The following NTAQ1 variants were observed in gnomAD, a reference collection of about 807,000 sequenced individuals.
NTAQ1 encodes protein N-terminal glutamine amidohydrolase.
In NTAQ1, 21 loss-of-function variants were observed where a neutral mutation model predicts 28.2. The observed-to-expected ratio is 0.74, with a 90% CI of 0.53 to 1.07. The LOEUF (loss-of-function observed/expected upper bound fraction) is 1.07. Ranked by LOEUF, NTAQ1 falls within the 50% of genes least tolerant of loss-of-function variation. NTAQ1 has a pLI of 0.00. For synonymous variants in NTAQ1, 105 were observed against 90.0 expected (o/e 1.17, Z -0.94); for missense variants, 264 against 256.6 (o/e 1.03, Z -0.20).
At chr8:123,417,641 T>C (rs1475273444) in intron 1 of NTAQ1, among the ~76,000 whole-genome samples, 1 of 152,130 alleles carries the variant, frequency 6.6e-6, no homozygotes, top group Admixed American at 6.6e-5. Context: ...AGTAATGGCT[T>C]CTTCCCCAGC....
rs143588946 is a variant in NTAQ1 at position 123,441,688 on chromosome 8, G to A, written c.*273G>A. The A allele has an allele frequency of 3.1e-4, 124 of 405,570 alleles. No homozygotes were observed. Among genetic ancestry groups the A allele is most frequent in the African/African-American group, 2.3e-3 (114 of 50,178 alleles). 25.1% of individuals were successfully genotyped at this position (405,570 alleles called of 1,614,324 possible). ...AACACGAGGACTTAAGCCAGTAATC[G>A]TTTTTGTTCAGATAGAGGTGTGGAG... On this transcript the variant is annotated 3_prime_UTR_variant, in exon 6 of 6. Coordinates refer to ENST00000287387, the MANE Select transcript of NTAQ1 (RefSeq NM_018024.3).
chr8:123,427,247 CTTTTTTTT>C (rs33920843), intron 1 of NTAQ1, among the ~76,000 whole-genome samples: 1 of 81,592 alleles, frequency 1.2e-5, no homozygotes, highest in South Asian at 5.6e-4. Context: ...ATGGTCAAAG[CTTTTTTTT>C]TTTTTTTTTT....
downstream of NTAQ1, among the ~76,000 whole-genome samples, chr8:123,471,593 A>G (rs1385615381): frequency 6.6e-6 from 1 of 152,186 alleles, no homozygotes; most frequent in Non-Finnish European, 1.5e-5. Context: ...GTATAGTTTC[A>G]GTCTGAAGTC....
chr8:123,451,157 TC>T (rs1192978874), downstream of NTAQ1, among the ~76,000 whole-genome samples: 1 of 152,118 alleles, frequency 6.6e-6, no homozygotes, highest in African/African-American at 2.4e-5. Context: ...CCTTTTTTTC[TC>T]CCTTATCTTC....
downstream of NTAQ1, among the ~76,000 whole-genome samples, chr8:123,442,442 A>T (rs1815111805): frequency 1.3e-5 from 2 of 151,780 alleles, no homozygotes; most frequent in Non-Finnish European, 2.9e-5. Flanking sequence ...TACTAAAAAT[A>T]TAAAAATTAG....
At chr8:123,445,755 A>C (rs1013070138), downstream of NTAQ1, among the ~76,000 whole-genome samples, 4 of 148,386 alleles carry the variant, frequency 2.7e-5, no homozygotes, top group Non-Finnish European at 6.0e-5. Flanking sequence ...ACAGGCGTGC[A>C]CCACCACACT....
intron 5 of NTAQ1, chr8:123,438,159 G>A (rs1484432592): frequency 2.9e-6 from 2 of 701,746 alleles, no homozygotes; most frequent in Non-Finnish European, 5.2e-6. Flanking sequence ...ATAATTTCCT[G>A]ACATTTAAGA....
At chr8:123,437,118 G>T in intron 4 of NTAQ1, 92 bp from the exon 5 acceptor site, 1 of 1,517,966 alleles carries the variant, frequency 6.6e-7, no homozygotes, top group Non-Finnish European at 9.0e-7. Context: ...GTAGTTTTGT[G>T]CATGTCATAG....
At chr8:123,475,100 A>G in the NTAQ1 span, among the ~76,000 whole-genome samples, 1 of 152,118 alleles carries the variant, frequency 6.6e-6, no homozygotes, top group Non-Finnish European at 1.5e-5. Context: ...TTTTATATCA[A>G]TATGGGCTGA....
chr8:123,421,814 G>A (rs1462275904), intron 1 of NTAQ1, among the ~76,000 whole-genome samples: 7 of 151,426 alleles, frequency 4.6e-5, no homozygotes, highest in South Asian at 4.2e-4. Flanking sequence ...TCAGCCTCCC[G>A]AGTAGCTGGG....
At chr8:123,442,518 C>T (rs1443084612), downstream of NTAQ1, among the ~76,000 whole-genome samples, 1 of 149,882 alleles carries the variant, frequency 6.7e-6, no homozygotes, top group Non-Finnish European at 1.5e-5. Flanking sequence ...TTGCTTGAAC[C>T]TGGGAGGTGG....
exon 7 of NTAQ1, among the ~76,000 whole-genome samples, chr8:123,469,171 G>A (rs1816017423): frequency 6.6e-6 from 1 of 152,066 alleles, no homozygotes; most frequent in African/African-American, 2.4e-5. Context: ...TCCATAAGTT[G>A]CCTTTTCACT....
intron 1 of NTAQ1, among the ~76,000 whole-genome samples, chr8:123,420,785 T>TTTTATTTA (rs148579449): frequency 2.6e-5 from 4 of 151,448 alleles, no homozygotes; most frequent in African/African-American, 7.3e-5. Context: ...ATTTGTTTAT[T>TTTTATTTA]TTTATTTATT....
At chr8:123,445,092 C>T (rs930348035), downstream of NTAQ1, among the ~76,000 whole-genome samples, 1 of 151,286 alleles carries the variant, frequency 6.6e-6, no homozygotes, top group African/African-American at 2.4e-5. Context: ...TACATTGTAC[C>T]AATTCAAAAT....
chr8:123,435,948 G>T (rs4006559), intron 3 of NTAQ1, among the ~76,000 whole-genome samples: 3,820 of 151,332 alleles, frequency 0.025, 148 homozygotes, highest in African/African-American at 0.085. Flanking sequence ...CGGGTGGATC[G>T]CCTGAGGTCA....
At chr8:123,449,931 G>A (rs370948415), downstream of NTAQ1, among the ~76,000 whole-genome samples, 12 of 17,952 alleles carry the variant, frequency 6.7e-4, no homozygotes, top group South Asian at 5.2e-3. Flanking sequence ...ATATATATAT[G>A]TGTGTGTGTG....
chr8:123,421,122 C>T (rs1449101653), intron 1 of NTAQ1, among the ~76,000 whole-genome samples: 4 of 151,292 alleles, frequency 2.6e-5, no homozygotes, highest in Non-Finnish European at 5.9e-5. Flanking sequence ...CTCACTCTGT[C>T]ACCCAGGCTG....
chr8:123,422,962 T>C (rs970472986), intron 1 of NTAQ1, among the ~76,000 whole-genome samples: 1 of 152,150 alleles, frequency 6.6e-6, no homozygotes, highest in East Asian at 1.9e-4. Flanking sequence ...AATGTAAATA[T>C]GCGGCTTTAT....
chr8:123,446,165 G>T (rs7831676), downstream of NTAQ1, among the ~76,000 whole-genome samples: 55,412 of 150,890 alleles, frequency 0.37, 10,200 homozygotes, highest in East Asian at 0.57. Context: ...CTAATTTTGT[G>T]TGTGTGTGTG....
Sources: gnomAD v4.1 joint callset for allele counts (sites outside exome capture counted in the v4.1 genomes callset) on GRCh38, gnomAD v4.1.1 for gene constraint, MANE v1.5 for transcripts, NCBI Gene and HGNC (gene_info 2026-07-23, HGNC 2026-07-21) for gene names.